Variants in CECR2 observed in about 807,000 individuals in gnomAD.
CECR2 encodes the protein CECR2 histone acetyl-lysine reader.
In CECR2, 30 loss-of-function variants were observed where a neutral mutation model predicts 154.5. That is an observed-to-expected ratio of 0.19 (90% CI 0.15 to 0.26). CECR2 has a LOEUF of 0.26. Ranked by LOEUF, CECR2 falls within the 10% of genes least tolerant of loss-of-function variation. CECR2 has a pLI of 1.00. For synonymous variants in CECR2, 725 were observed against 683.7 expected (o/e 1.06, Z -0.94); for missense variants, 1,743 against 1,829.3 (o/e 0.95, Z 0.86).
chr22:17,525,417 G>A (rs929802653), intron 9 of CECR2, among the ~76,000 whole-genome samples: 9 of 151,508 alleles, frequency 5.9e-5, no homozygotes, highest in South Asian at 4.2e-4. Flanking sequence ...CAAAGTGGCC[G>A]AATCACTTGA....
chr22:17,441,111 G>A (rs2054578806), intron 1 of CECR2, among the ~76,000 whole-genome samples: 1 of 152,054 alleles, frequency 6.6e-6, no homozygotes, highest in East Asian at 1.9e-4. Context: ...ACCACGCCCG[G>A]CTAATTTTTA....
At chr22:17,381,519 G>A (rs1473352941) in intron 1 of CECR2, among the ~76,000 whole-genome samples, 7 of 152,088 alleles carry the variant, frequency 4.6e-5, no homozygotes, top group African/African-American at 1.7e-4. Flanking sequence ...ACTCCGCTTG[G>A]ATTTCTGTAA....
At position 17,506,923 on chromosome 22, in the gene CECR2, T is replaced by C. The variant is rs537352835; in HGVS notation, c.870+1907T>C. Among the ~76,000 whole-genome samples the C allele has an allele frequency of 1.7e-3, 264 of 152,344 alleles. 1 individual carries two copies. The highest frequency in any genetic ancestry group is 6.1e-3 in the African/African-American group (255 of 41,582). ...ACCCACCTTGGCCTCCCAAGTGTTA[T>C]GATTACAGGCGTGAGCTACCACGTT... On this transcript the variant is annotated intron_variant, in intron 7 of 18. Coordinates refer to ENST00000262608, the MANE Select transcript of CECR2 (RefSeq NM_001290047.2).
At chr22:17,550,348 G>T in intron 17 of CECR2, 1 of 160,424 alleles carries the variant, frequency 6.2e-6, no homozygotes, top group East Asian at 1.9e-4. Context: ...AATAACCACA[G>T]TTTGAGAGCT....
chr22:17,425,114 C>G (rs1160427878), intron 1 of CECR2, among the ~76,000 whole-genome samples: 1 of 152,102 alleles, frequency 6.6e-6, no homozygotes, highest in Non-Finnish European at 1.5e-5. Context: ...TGCTTGTTCT[C>G]ACTACTTTTG....
At chr22:17,463,502 A>G (rs1258721882) in intron 1 of CECR2, among the ~76,000 whole-genome samples, 2 of 152,180 alleles carry the variant, frequency 1.3e-5, no homozygotes, top group Non-Finnish European at 2.9e-5. Context: ...TCTTTTGAAT[A>G]TAGTCATCAG....
chr22:17,379,250 G>T (rs879819665), intron 1 of CECR2, among the ~76,000 whole-genome samples: 1 of 152,028 alleles, frequency 6.6e-6, no homozygotes, highest in Non-Finnish European at 1.5e-5. Flanking sequence ...AGCCCCCCGC[G>T]CCTGGCATTG....
chr22:17,381,647 G>A (rs1345883277), intron 1 of CECR2, among the ~76,000 whole-genome samples: 4 of 152,104 alleles, frequency 2.6e-5, no homozygotes, highest in Non-Finnish European at 4.4e-5. Context: ...AGAGGTATGT[G>A]GCAGAGTCCC....
At chr22:17,422,717 T>C (rs965305231) in intron 1 of CECR2, among the ~76,000 whole-genome samples, 10 of 151,510 alleles carry the variant, frequency 6.6e-5, no homozygotes, top group Middle Eastern at 3.4e-3. Context: ...CTTTTTTTTT[T>C]CCCTTTGGTT....
intron 1 of CECR2, among the ~76,000 whole-genome samples, chr22:17,455,317 G>T (rs2054836139): frequency 6.6e-6 from 1 of 152,162 alleles, no homozygotes; most frequent in African/African-American, 2.4e-5. Context: ...AATAAATTTT[G>T]CTTCTAAGAG....
chr22:17,495,755 G>A (rs1450529431), intron 2 of CECR2, among the ~76,000 whole-genome samples: 36 of 150,094 alleles, frequency 2.4e-4, no homozygotes, highest in Middle Eastern at 3.5e-3. Context: ...CCAGCTACTC[G>A]GGAGGCTGAG....
rs1260016477 is a variant in CECR2 at position 17,524,208 on chromosome 22, C to G, written c.1045C>G (p.Gln349Glu). Residue 349 changes from glutamine (Q) to glutamate (E), a missense_variant, in exon 9 of 19, where the codon CAG (glutamine) becomes GAG (glutamate). Coordinates refer to ENST00000262608, the MANE Select transcript of CECR2 (RefSeq NM_001290047.2). ...TCTTCTAGCAGTGCAGAAGAAGGAG[C>G]AGGAGCAGATGCTAAAGGAAGAGAG... Reference protein sequence around the residue: ...QILLAVQKKEQEQMLKEERKR... With the variant: ...QILLAVQKKEEEQMLKEERKR... 3 of 1,608,954 alleles carry G rather than the reference C, an allele frequency of 1.9e-6. No individual in the cohort carries two copies. Among genetic ancestry groups the G allele is most frequent in the Admixed American group, 3.4e-5 (2 of 59,176 alleles).
chr22:17,552,817 T>C lies in CECR2; in HGVS notation c.4390-18T>C. On this transcript the variant is annotated intron_variant, in intron 18 of 18. Coordinates refer to ENST00000262608, the MANE Select transcript of CECR2 (RefSeq NM_001290047.2). The stretch of plus-strand genomic sequence containing the variant: ...ACCCAATTTTTATTTTTGTTTAAAA[T>C]GTCTTTGTTTCTTTCAGAGCTAGTC... The C allele has an allele frequency of 6.6e-7, 1 of 1,516,800 alleles. No individual in the cohort carries two copies. Among genetic ancestry groups the C allele is most frequent in the South Asian group, 1.3e-5 (1 of 79,764 alleles). The allele number at this position is 1,516,800 out of a possible 1,614,324, so 94.0% of individuals were successfully genotyped here. A position where few individuals can be genotyped will look rare whatever the true frequency, so the allele number is the denominator to read the frequency against.
At chr22:17,490,651 A>G (rs1328265921) in intron 2 of CECR2, among the ~76,000 whole-genome samples, 2 of 151,816 alleles carry the variant, frequency 1.3e-5, no homozygotes, top group Admixed American at 6.6e-5. Flanking sequence ...GGGTTTCACC[A>G]TATTGGCCAG....
intron 4 of CECR2, among the ~76,000 whole-genome samples, chr22:17,500,008 G>A (rs549551852): frequency 7.9e-5 from 12 of 152,172 alleles, no homozygotes; most frequent in African/African-American, 2.6e-4. Context: ...TCAGGAGATC[G>A]AGACCATCCT....
At chr22:17,390,105 G>A (rs1228239918) in intron 1 of CECR2, among the ~76,000 whole-genome samples, 1 of 152,080 alleles carries the variant, frequency 6.6e-6, no homozygotes, top group Non-Finnish European at 1.5e-5. Flanking sequence ...TCTGGTTCAG[G>A]TTTTCAGTCT....
chr22:17,369,390 C>G (rs1486204321), upstream of CECR2: 1 of 151,238 alleles, frequency 6.6e-6, no homozygotes, highest in Non-Finnish European at 1.5e-5. Context: ...GTGGCGCGGG[C>G]AGCCCCGCCC....
intron 1 of CECR2, among the ~76,000 whole-genome samples, chr22:17,452,686 A>G (rs2054790822): frequency 6.6e-6 from 1 of 152,270 alleles, no homozygotes; most frequent in Admixed American, 6.5e-5. Flanking sequence ...CGGGTTTTGG[A>G]AATAGTAAAT....
chr22:17,407,126 T>C (rs2053996045), intron 1 of CECR2, among the ~76,000 whole-genome samples: 1 of 152,234 alleles, frequency 6.6e-6, no homozygotes, highest in South Asian at 2.1e-4. Context: ...AATACTTTCT[T>C]TGGATAGAAA....
Sources: allele counts gnomAD v4.1 joint callset (sites outside exome capture counted in the v4.1 genomes callset), GRCh38; gene constraint gnomAD v4.1.1; transcripts MANE v1.5; gene names NCBI Gene and HGNC (gene_info 2026-07-23, HGNC 2026-07-21).